Variants in SLC17A3 observed in about 807,000 individuals in gnomAD.
The protein encoded by SLC17A3 is solute carrier family 17 member 3.
Under a neutral mutation model 60.3 loss-of-function variants are expected in SLC17A3, and 61 were observed. The observed-to-expected ratio is 1.01, with a 90% CI of 0.82 to 1.25. The LOEUF is 1.25. Among genes scored for constraint, SLC17A3 ranks in the 50% most tolerant of loss-of-function variants. The pLI is 0.00. For synonymous variants in SLC17A3, 192 were observed against 208.9 expected (o/e 0.92, Z 0.70); for missense variants, 624 against 594.9 (o/e 1.05, Z -0.51).
In SLC17A3 at chr6:25,855,232, T is replaced by G; in HGVS notation, c.626-2A>C. 1 of 1,610,596 alleles carries G rather than the reference T, an allele frequency of 6.2e-7. No homozygotes were observed. On this transcript the variant is annotated splice_acceptor_variant, in intron 5 of 12. Transcript: ENST00000397060. LOFTEE classifies it high-confidence loss of function. ...CAGTAAAGCATCCCAGTAACATTCC[T>G]GCAAAGAGAGAGAAAGTAAGCTGTG...
intron 5 of SLC17A3, among the ~76,000 whole-genome samples, chr6:25,855,850 A>G (rs1466505074): frequency 2.0e-5 from 3 of 152,188 alleles, no homozygotes; most frequent in South Asian, 2.1e-4. Context: ...CCAGATGAAC[A>G]TTAATATTAA....
intron 5 of SLC17A3, among the ~76,000 whole-genome samples, chr6:25,856,333 C>T (rs1016739735): frequency 6.6e-6 from 1 of 152,120 alleles, no homozygotes; most frequent in African/African-American, 2.4e-5. Flanking sequence ...AACTCCTAGG[C>T]TCAAGCAATC....
chr6:25,853,635 G>T lies in SLC17A3; in HGVS notation c.712+1509C>A, dbSNP rs1765316135. 2.0e-5 allele frequency among the ~76,000 whole-genome samples: 3 copies of T among 151,820 alleles called. No homozygotes were observed. In the South Asian group the frequency reaches 6.2e-4, roughly 32 times the overall value. On this transcript the variant is annotated intron_variant, in intron 6 of 12. Coordinates refer to ENST00000397060, the MANE Select transcript of SLC17A3 (RefSeq NM_001098486.2). ...GAGTTTCACCGTGTTAGCCAGGATG[G>T]TCTCGATCTCCTGACTTCATGATCC...
chr6:25,851,305 A>G (rs1747550), intron 6 of SLC17A3, among the ~76,000 whole-genome samples: 96,174 of 150,822 alleles, frequency 0.64, 32,488 homozygotes, highest in African/African-American at 0.86. Context: ...CTGAATAAAA[A>G]TCCTTATTAT....
At chr6:25,857,922 T>C (rs1014522681) in intron 5 of SLC17A3, among the ~76,000 whole-genome samples, 1 of 152,192 alleles carries the variant, frequency 6.6e-6, no homozygotes, top group Non-Finnish European at 1.5e-5. Flanking sequence ...AGGTTTGGAC[T>C]CCTAAGAGTA....
rs1431359628 is a variant in SLC17A3 at position 25,844,886 on chromosome 6, T to C, written c.*415A>G. The C allele has an allele frequency of 5.9e-6, 1 of 170,538 alleles. No homozygotes were observed. The highest frequency in any genetic ancestry group is 2.4e-5 in the African/African-American group (1 of 41,536). The allele number at this position is 170,538 out of a possible 1,614,324, so 10.6% of individuals were successfully genotyped here. A position where few individuals can be genotyped will look rare whatever the true frequency, so the allele number is the denominator to read the frequency against. ...AGGATGGAGATAAATGGAGGACATA[T>C]AGGGAAGAACACATGGACAATACTC... On this transcript the variant is annotated 3_prime_UTR_variant, in exon 13 of 13. Transcript: ENST00000397060.
In SLC17A3 at chr6:25,846,618, T is replaced by A. The variant is rs191407019; in HGVS notation, c.1363-1102A>T. Among the ~76,000 whole-genome samples the A allele has an allele frequency of 1.1e-4, 17 of 152,286 alleles. No individual in the cohort carries two copies. The East Asian group carries it at 3.3e-3, about 29-fold the overall frequency. The stretch of plus-strand genomic sequence containing the variant: ...TGATGGAAATATTCTTTTCTTTTCT[T>A]TTCTTTTTTTGAGACAGAGTCTCAC... On this transcript the variant is annotated intron_variant, in intron 11 of 12. Transcript: ENST00000397060.
intron 1 of SLC17A3, among the ~76,000 whole-genome samples, chr6:25,870,102 CAT>C (rs1765617206): frequency 6.6e-6 from 1 of 151,934 alleles, no homozygotes; most frequent in Non-Finnish European, 1.5e-5. Context: ...TTTGTATAGA[CAT>C]GTGCTTTCAT....
At chr6:25,867,967 T>G (rs1449049951) in intron 2 of SLC17A3, among the ~76,000 whole-genome samples, 1 of 151,886 alleles carries the variant, frequency 6.6e-6, no homozygotes, top group Non-Finnish European at 1.5e-5. Context: ...AATTAGTTTT[T>G]TTTACTTTTT....
At chr6:25,870,003 C>A (rs191572141) in intron 1 of SLC17A3, among the ~76,000 whole-genome samples, 8 of 152,038 alleles carry the variant, frequency 5.3e-5, no homozygotes, top group African/African-American at 1.4e-4. Flanking sequence ...ATTTGTTTAT[C>A]CATTTATTTA....
intron 5 of SLC17A3, among the ~76,000 whole-genome samples, chr6:25,855,877 T>C (rs904181993): frequency 2.6e-5 from 4 of 152,238 alleles, no homozygotes; most frequent in Admixed American, 1.3e-4. Context: ...AAATACTATA[T>C]ATGTGTATAG....
chr6:25,861,842 C>A lies in SLC17A3; in HGVS notation c.491G>T (p.Gly164Val). 5 of 1,613,580 alleles carry A rather than the reference C, an allele frequency of 3.1e-6. No homozygotes were observed. Among genetic ancestry groups the A allele is most frequent in the Non-Finnish European group, 3.4e-6 (4 of 1,179,662 alleles). ...TLCIPLATDF[G>V]IVLLIVTRIV... ...TCGAGTTACAATGAGCAAGACTATT[C>A]CAAAGTCAGTGGCCAGAGGGATGCA... The change falls in exon 4 of 13, where the codon GGA becomes GTA. Residue 164 changes from glycine (G) to valine (V), a missense_variant. Gly to Val is a moderately radical substitution (Grantham distance 109, BLOSUM62 -3). Transcript: ENST00000397060.
At position 25,845,066 on chromosome 6, in the gene SLC17A3, A is replaced by T. The variant is rs1449692569; in HGVS notation, c.*235T>A. On this transcript the variant is annotated 3_prime_UTR_variant, in exon 13 of 13. Transcript: ENST00000397060. ...GGGTCCCACACAGCAAGCCCTCTTAATCCATTGTTAATTCTATGAAGATGA... is the reference window on the plus strand; with the variant it reads ...GGGTCCCACACAGCAAGCCCTCTTATTCCATTGTTAATTCTATGAAGATGA... 7 of 322,682 alleles carry T rather than the reference A, an allele frequency of 2.2e-5. No individual in the cohort carries two copies. The highest frequency in any genetic ancestry group is 4.1e-5 in the Non-Finnish European group (7 of 168,726). 20.0% of individuals were successfully genotyped at this position (322,682 alleles called of 1,614,324 possible). A position where few individuals can be genotyped will look rare whatever the true frequency, so the allele number is the denominator to read the frequency against.
intron 6 of SLC17A3, among the ~76,000 whole-genome samples, chr6:25,852,544 A>C (rs1451756963): frequency 6.6e-6 from 1 of 151,910 alleles, no homozygotes; most frequent in Non-Finnish European, 1.5e-5. Flanking sequence ...GTTTTGGATG[A>C]TTTCTATTGT....
In SLC17A3 at chr6:25,872,384, A is replaced by T. The variant is rs900589902; in HGVS notation, c.-34+1783T>A. Among the ~76,000 whole-genome samples the T allele has an allele frequency of 1.7e-4, 26 of 149,354 alleles. No individual in the cohort carries two copies. In the East Asian group the frequency reaches 5.1e-3, roughly 29 times the overall value. ...AAATTTGGGCTTAATTTATTGTTTTATGGACTTCTTGGGCTTAAGAAATTT... is the reference window on the plus strand; with the variant it reads ...AAATTTGGGCTTAATTTATTGTTTTTTGGACTTCTTGGGCTTAAGAAATTT... On this transcript the variant is annotated intron_variant, in intron 1 of 12. Transcript: ENST00000397060.
At chr6:25,847,004 C>T (rs1765185395) in intron 11 of SLC17A3, among the ~76,000 whole-genome samples, 1 of 152,042 alleles carries the variant, frequency 6.6e-6, no homozygotes, top group Non-Finnish European at 1.5e-5. Context: ...GTTTGTTGTA[C>T]AGATATTTCA....
In SLC17A3 at chr6:25,850,847, C is replaced by A. The variant is rs1246802376; in HGVS notation, c.743G>T (p.Trp248Leu). 3 of 1,613,968 alleles carry A rather than the reference C, an allele frequency of 1.9e-6. No homozygotes were observed. The highest frequency in any genetic ancestry group is 2.5e-6 in the Non-Finnish European group (3 of 1,179,922). ...GGGGTCATCATAAATCACAACAAACCAGAGAAGGCAGCAGACACAGCCAAC... is the reference window on the plus strand; with the variant it reads ...GGGGTCATCATAAATCACAACAAACAAGAGAAGGCAGCAGACACAGCCAAC... ...GGVGCVCCLL[W>L]FVVIYDDPVS... Residue 248 changes from tryptophan (W) to leucine (L), a missense_variant, in exon 7 of 13, where the codon TGG (tryptophan) becomes TTG (leucine). Coordinates refer to ENST00000397060, the MANE Select transcript of SLC17A3 (RefSeq NM_001098486.2).
intron 1 of SLC17A3, among the ~76,000 whole-genome samples, chr6:25,871,163 C>CA (rs1765634248): frequency 6.6e-6 from 1 of 152,214 alleles, no homozygotes; most frequent in African/African-American, 2.4e-5. Flanking sequence ...GATTATAAAA[C>CA]ATGCTGCTAT....
intron 1 of SLC17A3, among the ~76,000 whole-genome samples, chr6:25,873,859 A>G (rs1765684286): frequency 6.6e-6 from 1 of 152,124 alleles, no homozygotes; most frequent in African/African-American, 2.4e-5. Context: ...TTCAGAAGCC[A>G]GTTTGACCTG....
Sources: gnomAD v4.1 joint callset for allele counts (sites outside exome capture counted in the v4.1 genomes callset) on GRCh38, gnomAD v4.1.1 for gene constraint, MANE v1.5 for transcripts, NCBI Gene and HGNC (gene_info 2026-07-23, HGNC 2026-07-21) for gene names.